The following DUSP4 variants were observed in gnomAD, a reference collection of about 807,000 sequenced individuals.
DUSP4 encodes the protein dual specificity phosphatase 4, also known as dual specificity protein phosphatase 4.
A neutral mutation model predicts 27.2 loss-of-function variants in DUSP4; 12 were observed. That is an observed-to-expected ratio of 0.44 (90% CI 0.28 to 0.71). The LOEUF (loss-of-function observed/expected upper bound fraction) is 0.71, where lower values mean the gene tolerates loss of function less well. Ranked by LOEUF, DUSP4 falls within the 30% of genes least tolerant of loss-of-function variation. The pLI is 0.14. For synonymous variants in DUSP4, 257 were observed against 245.2 expected (o/e 1.05, Z -0.45); for missense variants, 448 against 551.3 (o/e 0.81, Z 1.88).
rs765050408 is a variant in DUSP4 at position 29,337,098 on chromosome 8, G to A, written c.1113C>T (p.Ser371=). Residue 371 remains serine, a synonymous_variant, in exon 4 of 4, where the codon TCC becomes TCT. Transcript: ENST00000240100. This position sits in a 1 kb window ranked among gnomAD's most constrained non-coding sequence, Gnocchi z 6.4. ...TSQFVFSFPV[S]VGVHSAPSSL... is the part of the protein sequence containing the mutation. ...TGCTGGGGGCCGAGTGCACGCCCACGGAGACCGGAAAGCTGAAGACGAACT... is the reference window on the plus strand; with the variant it reads ...TGCTGGGGGCCGAGTGCACGCCCACAGAGACCGGAAAGCTGAAGACGAACT... 30 of 1,609,750 alleles carry A rather than the reference G, an allele frequency of 1.9e-5. No homozygotes were observed. In the South Asian group the frequency reaches 2.2e-4, roughly 12 times the overall value.
At chr8:29,338,012 TC>T (rs1037990418) in intron 3 of DUSP4, among the ~76,000 whole-genome samples, 3 of 152,114 alleles carry the variant, frequency 2.0e-5, no homozygotes, top group African/African-American at 7.2e-5. Flanking sequence ...TGTGTCTTCC[TC>T]CCCGTCCAAA....
chr8:29,337,211 C>T lies in DUSP4; in HGVS notation c.1000G>A (p.Val334Met), dbSNP rs1389774194. Reference sequence around the variant, plus strand: ...TCCGCAGCACAGGACGTGGCCAGCACCTGGGACTCGAACTGCAGCAGCTGC... The same window carrying T: ...TCCGCAGCACAGGACGTGGCCAGCATCTGGGACTCGAACTGCAGCAGCTGC... ...MGQLLQFESQ[V>M]LATSCAAEAA... The change falls in exon 4 of 4, where the codon GTG becomes ATG. Residue 334 changes from valine to methionine, a missense_variant. Transcript: ENST00000240100. The surrounding 1 kb of genome is among the most constrained non-coding windows in gnomAD (Gnocchi z 6.4). 6.2e-7 allele frequency: 1 copy of T among 1,613,602 alleles called. No individual in the cohort carries two copies. The highest frequency in any genetic ancestry group is 1.3e-5 in the African/African-American group (1 of 74,936).
chr8:29,348,975 G>C (rs990266617), intron 1 of DUSP4, among the ~76,000 whole-genome samples: 1 of 152,188 alleles, frequency 6.6e-6, no homozygotes, highest in East Asian at 1.9e-4. Flanking sequence ...GCGGGCGCCA[G>C]GTCCCTCCAG....
intron 1 of DUSP4, among the ~76,000 whole-genome samples, chr8:29,343,779 T>G (rs1369011934): frequency 6.6e-6 from 1 of 152,216 alleles, no homozygotes; most frequent in African/African-American, 2.4e-5. Context: ...GGATATCATT[T>G]TATGGAACTT....
chr8:29,346,144 A>T, intron 1 of DUSP4: 1 of 914,576 alleles, frequency 1.1e-6, no homozygotes, highest in Non-Finnish European at 1.3e-6. Flanking sequence ...CTCTCCCCCC[A>T]CATTCATCAG....
chr8:29,344,103 C>T (rs1817692606), intron 1 of DUSP4, among the ~76,000 whole-genome samples: 1 of 152,234 alleles, frequency 6.6e-6, no homozygotes, highest in East Asian at 1.9e-4. Flanking sequence ...TCCAACTCAA[C>T]TTGTGGAACT....
In DUSP4 at chr8:29,349,831, G is replaced by A. The variant is rs757661585; in HGVS notation, c.433+15C>T. 2.2e-4 allele frequency: 323 copies of A among 1,478,034 alleles called. No individual in the cohort carries two copies. Among genetic ancestry groups the A allele is most frequent in the Non-Finnish European group, 2.6e-4 (291 of 1,122,272 alleles). The allele number at this position is 1,478,034 out of a possible 1,614,324, so 91.6% of individuals were successfully genotyped here. Reference sequence around the variant, plus strand: ...ATCTCCCCGACTCCAGCTAGCGCCCGGAGCCCTCGTTTACCTTTGAGCAGG... The same window carrying A: ...ATCTCCCCGACTCCAGCTAGCGCCCAGAGCCCTCGTTTACCTTTGAGCAGG... On this transcript the variant is annotated intron_variant, in intron 1 of 3. Transcript: ENST00000240100.
chr8:29,337,272 G>A lies in DUSP4; in HGVS notation c.939C>T (p.Arg313=). 6.2e-7 allele frequency: 1 copy of A among 1,613,704 alleles called. No individual in the cohort carries two copies. The highest frequency in any genetic ancestry group is 1.1e-5 in the South Asian group (1 of 91,072). ...TGAAGTTGGGCGAGATGATGCTGCG[G>A]CGCTGCTTAACGAACTCGAAGGCCT... The part of the protein sequence containing the change: ...LEEAFEFVKQ[R]RSIISPNFSF... The change falls in exon 4 of 4, where the codon CGC becomes CGT. Residue 313 remains arginine (R), a synonymous_variant. Coordinates refer to ENST00000240100, the MANE Select transcript of DUSP4 (RefSeq NM_001394.7). The surrounding 1 kb of genome is among the most constrained non-coding windows in gnomAD (Gnocchi z 6.4).
At chr8:29,345,807 G>C (rs1817725210) in intron 1 of DUSP4, 1 of 1,204,068 alleles carries the variant, frequency 8.3e-7, no homozygotes, top group Non-Finnish European at 1.0e-6. Flanking sequence ...GTTAGTTGGA[G>C]ACATCCAATG....
rs1399300239 is a variant in DUSP4 at position 29,347,875 on chromosome 8, T to C, written c.433+1971A>G. On this transcript the variant is annotated intron_variant, in intron 1 of 3. Coordinates refer to ENST00000240100, the MANE Select transcript of DUSP4 (RefSeq NM_001394.7). The stretch of plus-strand genomic sequence containing the variant: ...GGTCTGGCTGGGGAAATGGAGGAGG[T>C]TGGGGAGGGAGGACTCTCAACGGGA... The C allele has an allele frequency of 4.1e-6, 4 of 985,048 alleles. No homozygotes were observed. In the Admixed American group the frequency reaches 1.9e-4, roughly 46 times the overall value. The allele number at this position is 985,048 out of a possible 1,614,324, so 61.0% of individuals were successfully genotyped here.
rs1416276605 is a variant in DUSP4, at chr8:29,337,596, T to C, written c.800-185A>G. Among the ~76,000 whole-genome samples, 1 of 152,224 alleles carries C rather than the reference T, an allele frequency of 6.6e-6. No individual in the cohort carries two copies. The highest frequency in any genetic ancestry group is 2.4e-5 in the African/African-American group (1 of 41,456). On this transcript the variant is annotated intron_variant, in intron 3 of 3. Coordinates refer to ENST00000240100, the MANE Select transcript of DUSP4 (RefSeq NM_001394.7). This position sits in a 1 kb window ranked among gnomAD's most constrained non-coding sequence, Gnocchi z 6.4. Reference sequence around the variant, plus strand: ...AATGCCCCCAATTCTGAGGTCTATTTTCCCGAATCACTATGCTGAAGCTGG... The same window carrying C: ...AATGCCCCCAATTCTGAGGTCTATTCTCCCGAATCACTATGCTGAAGCTGG...
At chr8:29,345,624 G>A in intron 1 of DUSP4, 1 of 1,491,958 alleles carries the variant, frequency 6.7e-7, no homozygotes. Flanking sequence ...GAATTTCTTG[G>A]CTCGGGAAAG....
Position 29,349,999 on chromosome 8 carries a change from G to T in DUSP4, c.280C>A (p.Arg94Ser), listed in dbSNP as rs967738306. ...EQILPAEEEV[R>S]ARLRSGLYSA... is the part of the protein sequence containing the mutation. ...TAGAGGCCGGAGCGCAAGCGGGCGC[G>T]TACCTCCTCCTCGGCGGGCAGGATC... The change falls in exon 1 of 4, where the codon CGC (arginine) becomes AGC (serine). Residue 94 changes from arginine to serine, a missense_variant. Arg to Ser is a moderately radical substitution (Grantham distance 110). This residue lies in a region of DUSP4 where 345 missense variants were observed against 394.0 expected (regional missense o/e 0.88). Coordinates refer to ENST00000240100, the MANE Select transcript of DUSP4 (RefSeq NM_001394.7). 1.3e-6 allele frequency: 2 copies of T among 1,595,412 alleles called. No homozygotes were observed. The highest frequency in any genetic ancestry group is 1.7e-5 in the Admixed American group (1 of 58,180).
At position 29,350,012 on chromosome 8, in the gene DUSP4, G is replaced by A; in HGVS notation, c.267C>T (p.Ala89=). Residue 89 remains alanine (A), a synonymous_variant, in exon 1 of 4, where the codon GCC becomes GCT. Transcript: ENST00000240100. ...GSVSLEQILP[A]EEEVRARLRS... is the part of the protein sequence containing the mutation. ...GCAAGCGGGCGCGTACCTCCTCCTC[G>A]GCGGGCAGGATCTGCTCCAGGCTCA... 2 of 1,594,454 alleles carry A rather than the reference G, an allele frequency of 1.3e-6. No homozygotes were observed. The highest frequency in any genetic ancestry group is 1.7e-6 in the Non-Finnish European group (2 of 1,172,268).
Position 29,338,281 on chromosome 8 carries a change from C to T in DUSP4, c.799+1G>A. The stretch of plus-strand genomic sequence containing the variant: ...GGAACCCCAGAGCAGGGCCAGCCTA[C>T]CGATGTACTCTATGGCTTCCATGAA... On this transcript the variant is annotated splice_donor_variant, in intron 3 of 3. Transcript: ENST00000240100. LOFTEE classifies it high-confidence loss of function. The T allele has an allele frequency of 6.2e-7, 1 of 1,612,082 alleles. No homozygotes were observed. The highest frequency in any genetic ancestry group is 1.1e-5 in the South Asian group (1 of 91,074).
At chr8:29,340,997 G>A (rs1817649274) in intron 1 of DUSP4, among the ~76,000 whole-genome samples, 1 of 152,188 alleles carries the variant, frequency 6.6e-6, no homozygotes, top group African/African-American at 2.4e-5. Flanking sequence ...CTATCTAGGA[G>A]GGGTGGAGGC....
chr8:29,344,373 G>A (rs1036096246), intron 1 of DUSP4, among the ~76,000 whole-genome samples: 4 of 152,316 alleles, frequency 2.6e-5, no homozygotes, highest in Admixed American at 6.5e-5. Flanking sequence ...TGTATGAAAT[G>A]AATGTATTGA....
intron 1 of DUSP4, among the ~76,000 whole-genome samples, chr8:29,341,160 T>C (rs1356307502): frequency 6.6e-6 from 1 of 152,228 alleles, no homozygotes. Flanking sequence ...TTTATTTTTA[T>C]TTTACAGTGT....
rs1048680791 is a variant in DUSP4, at chr8:29,334,006, T to G, written c.*3020A>C. On this transcript the variant is annotated 3_prime_UTR_variant, in exon 4 of 4. Transcript: ENST00000240100. ...ACAAAATGGCTTTGGGAGGGAATGA[T>G]GGGAGCTGGGGCCTACCAGTCACCT... 1 of 152,270 alleles carries G rather than the reference T, an allele frequency of 6.6e-6. No homozygotes were observed. The highest frequency in any genetic ancestry group is 6.5e-5 in the Admixed American group (1 of 15,282). 9.4% of individuals were successfully genotyped at this position (152,270 alleles called of 1,614,324 possible).
Sources: allele counts gnomAD v4.1 joint callset (sites outside exome capture counted in the v4.1 genomes callset), GRCh38; gene constraint gnomAD v4.1.1; regional missense constraint gnomAD v4.1.1; non-coding constraint Gnocchi (gnomAD v3.1); transcripts MANE v1.5; gene names NCBI Gene and HGNC (gene_info 2026-07-23, HGNC 2026-07-21).